The following LMX1A variants were observed in gnomAD, a reference collection of about 807,000 sequenced individuals.
LMX1A encodes LIM homeobox transcription factor 1-alpha.
In LMX1A, 15 loss-of-function variants were observed where a neutral mutation model predicts 49.1. The observed-to-expected ratio is 0.31, with a 90% CI of 0.20 to 0.47. The LOEUF (loss-of-function observed/expected upper bound fraction) is 0.47. Among genes scored for constraint, LMX1A ranks in the 20% least tolerant of loss-of-function variants. The pLI, the probability that LMX1A is intolerant of heterozygous loss-of-function variation, is 1.00. For missense variants in LMX1A, 372 were observed against 475.8 expected (o/e 0.78, Z 2.03); for synonymous variants, 167 against 185.7 (o/e 0.90, Z 0.82).
rs1652876638 is a variant in LMX1A, at chr1:165,247,054, C to CTTTTTTTTTCTTTTTTTTTTTTTTTTTT, written c.496+2353_496+2354insAAAAAAAAAAAAAAAAAAGAAAAAAAAA. Among the ~76,000 whole-genome samples, 20 of 53,228 alleles carry CTTTTTTTTTCTTTTTTTTTTTTTTTTTT rather than the reference C, an allele frequency of 3.8e-4. 1 individual carries two copies. Among genetic ancestry groups the CTTTTTTTTTCTTTTTTTTTTTTTTTTTT allele is most frequent in the African/African-American group, 1.3e-3 (18 of 13,916 alleles). 34.9% of individuals were successfully genotyped at this position (53,228 alleles called of 152,430 possible). ...GTTACTTAGATCAGATCAGCTTTTTCTTTTTTTTTTTTTTTTTTTTTTTTT... is the reference window on the plus strand; with the variant it reads ...GTTACTTAGATCAGATCAGCTTTTTCTTTTTTTTTCTTTTTTTTTTTTTTTTTTTTTTTTTTTTTTTTTTTTTTTTTTT... On this transcript the variant is annotated intron_variant, in intron 4 of 8. Transcript: ENST00000342310.
chr1:165,336,608 C>T (rs907731801), intron 3 of LMX1A, among the ~76,000 whole-genome samples: 9 of 152,148 alleles, frequency 5.9e-5, no homozygotes, highest in Non-Finnish European at 8.8e-5. Flanking sequence ...AACAAATTTG[C>T]TAATTATTTA....
At chr1:165,293,232 C>T (rs910342453) in intron 3 of LMX1A, among the ~76,000 whole-genome samples, 2 of 152,082 alleles carry the variant, frequency 1.3e-5, no homozygotes, top group African/African-American at 4.8e-5. Flanking sequence ...ACCCAGTTCA[C>T]TGAGTGTTCC....
chr1:165,347,187 C>T (rs1316214268), intron 3 of LMX1A, among the ~76,000 whole-genome samples: 3 of 152,168 alleles, frequency 2.0e-5, no homozygotes, highest in African/African-American at 4.8e-5. Flanking sequence ...TCTAAGGGGG[C>T]ACAAAGGGGA....
chr1:165,241,051 GT>G (rs1652632076), intron 4 of LMX1A, among the ~76,000 whole-genome samples: 1 of 152,178 alleles, frequency 6.6e-6, no homozygotes, highest in South Asian at 2.1e-4. Context: ...CTTCAAGACT[GT>G]TTTTCCCCCA....
intron 3 of LMX1A, among the ~76,000 whole-genome samples, chr1:165,308,408 T>C (rs1654981153): frequency 1.3e-5 from 2 of 152,240 alleles, no homozygotes; most frequent in Admixed American, 1.3e-4. Context: ...AATAAGGCTC[T>C]ATATACATTT....
chr1:165,324,267 G>A (rs1360591861), intron 3 of LMX1A, among the ~76,000 whole-genome samples: 5 of 152,210 alleles, frequency 3.3e-5, no homozygotes, highest in African/African-American at 1.2e-4. Context: ...TCCGAGCTGT[G>A]AGCAGCTGAA....
chr1:165,269,059 C>A (rs946089868), intron 3 of LMX1A, among the ~76,000 whole-genome samples: 1 of 152,148 alleles, frequency 6.6e-6, no homozygotes, highest in Admixed American at 6.5e-5. Flanking sequence ...CAAGAGCTAC[C>A]CAGAGATGGA....
intron 3 of LMX1A, among the ~76,000 whole-genome samples, chr1:165,349,321 G>A (rs959366457): frequency 5.9e-5 from 9 of 152,334 alleles, no homozygotes; most frequent in Middle Eastern, 6.8e-3. Context: ...GATCATAGAG[G>A]ACTCAGTTAA....
At chr1:165,283,037 CG>C (rs1406740833) in intron 3 of LMX1A, among the ~76,000 whole-genome samples, 4 of 152,202 alleles carry the variant, frequency 2.6e-5, no homozygotes, top group African/African-American at 9.6e-5. Context: ...TCAGCTCCAG[CG>C]CACTGATTTC....
chr1:165,208,326 C>A (rs1375931619), intron 6 of LMX1A, among the ~76,000 whole-genome samples, 194 bp from the exon 7 acceptor site: 2 of 152,226 alleles, frequency 1.3e-5, no homozygotes, highest in African/African-American at 2.4e-5. Context: ...TTCCACTCTG[C>A]AGCAGTATAA....
intron 3 of LMX1A, among the ~76,000 whole-genome samples, chr1:165,288,159 T>C (rs546477115): frequency 6.6e-6 from 1 of 152,360 alleles, no homozygotes; most frequent in South Asian, 2.1e-4. Context: ...ACAATATTTA[T>C]GCCCTTCCCA....
At position 165,305,321 on chromosome 1, in the gene LMX1A, T is replaced by A. The variant is rs557425293; in HGVS notation, c.263+47755A>T. Among the ~76,000 whole-genome samples the A allele has an allele frequency of 4.6e-5, 7 of 152,176 alleles. No individual in the cohort carries two copies. The East Asian group carries it at 1.4e-3, about 29-fold the overall frequency. ...GAGAAAGGGCCCCTCCACTGGAAATTTATGACTGAGCAAAGGGGAGAGGAA... is the reference window on the plus strand; with the variant it reads ...GAGAAAGGGCCCCTCCACTGGAAATATATGACTGAGCAAAGGGGAGAGGAA... On this transcript the variant is annotated intron_variant, in intron 3 of 8. Coordinates refer to ENST00000342310, the MANE Select transcript of LMX1A (RefSeq NM_177398.4).
chr1:165,292,124 G>A (rs553943876), intron 3 of LMX1A, among the ~76,000 whole-genome samples: 6 of 151,348 alleles, frequency 4.0e-5, no homozygotes, highest in African/African-American at 7.3e-5. Flanking sequence ...ACTAAGGCAG[G>A]CAGAGACGCA....
intron 3 of LMX1A, among the ~76,000 whole-genome samples, chr1:165,346,715 C>G (rs1379694296): frequency 6.6e-6 from 1 of 152,218 alleles, no homozygotes; most frequent in African/African-American, 2.4e-5. Context: ...GTTGCATCTG[C>G]TGTCTAATGC....
chr1:165,293,549 C>T (rs1450143524), intron 3 of LMX1A, among the ~76,000 whole-genome samples: 1 of 152,236 alleles, frequency 6.6e-6, no homozygotes, highest in East Asian at 1.9e-4. Context: ...GAGAACATTA[C>T]ACCTAATAAG....
intron 3 of LMX1A, among the ~76,000 whole-genome samples, chr1:165,269,374 T>G (rs1198496822): frequency 2.0e-5 from 3 of 152,316 alleles, no homozygotes; most frequent in African/African-American, 7.2e-5. Context: ...GATACCAGAA[T>G]TTCAACCACA....
chr1:165,338,995 G>C (rs1173603234), intron 3 of LMX1A, among the ~76,000 whole-genome samples: 1 of 152,222 alleles, frequency 6.6e-6, no homozygotes, highest in African/African-American at 2.4e-5. Context: ...ACATCAGGCT[G>C]TTTGTGAGCA....
intron 4 of LMX1A, among the ~76,000 whole-genome samples, chr1:165,215,055 A>T (rs2881865): frequency 9.9e-5 from 15 of 152,182 alleles, no homozygotes; most frequent in Non-Finnish European, 1.2e-4. Flanking sequence ...TGGTGGCTCA[A>T]GCCTATAATC....
At chr1:165,247,048 C>CT (rs1204141626) in intron 4 of LMX1A, among the ~76,000 whole-genome samples, 13 of 21,418 alleles carry the variant, frequency 6.1e-4, no homozygotes, top group Non-Finnish European at 9.6e-4. Flanking sequence ...ATCAGATCAG[C>CT]TTTTTCTTTT....
Sources: gnomAD v4.1 joint callset for allele counts (sites outside exome capture counted in the v4.1 genomes callset) on GRCh38, gnomAD v4.1.1 for gene constraint, MANE v1.5 for transcripts, NCBI Gene and HGNC (gene_info 2026-07-23, HGNC 2026-07-21) for gene names.